The following AGMO variants were observed in gnomAD, a reference collection of about 807,000 sequenced individuals.
AGMO encodes glyceryl-ether monooxygenase.
In AGMO, 75 loss-of-function variants were observed where a neutral mutation model predicts 60.2. The observed-to-expected ratio is 1.25, with a 90% CI of 1.03 to 1.51. The LOEUF is 1.51. Ranked by LOEUF, AGMO falls within the 40% of genes most tolerant of loss-of-function variation. The pLI is 0.00. For synonymous variants in AGMO, 261 were observed against 177.1 expected, an observed-to-expected ratio of 1.47 and a Z score of -3.76; for missense variants, 763 against 525.5, an observed-to-expected ratio of 1.45 and a Z score of -4.42.
the AGMO span, among the ~76,000 whole-genome samples, chr7:15,183,565 C>T: frequency 6.6e-6 from 1 of 152,136 alleles, no homozygotes. Flanking sequence ...ATTCTAGAGT[C>T]AACACTTTTG....
At chr7:15,355,055 T>G (rs553439234) in intron 12 of AGMO, among the ~76,000 whole-genome samples, 1 of 152,250 alleles carries the variant, frequency 6.6e-6, no homozygotes, top group Non-Finnish European at 1.5e-5. Context: ...ACTAACATAG[T>G]ACCATGGACA....
the AGMO span, among the ~76,000 whole-genome samples, chr7:15,181,581 G>C: frequency 1.3e-5 from 2 of 151,820 alleles, no homozygotes; most frequent in Admixed American, 1.3e-4. Context: ...TAATGCAATA[G>C]GTTTTCAGAA....
At chr7:15,453,380 C>G (rs1318626321) in intron 3 of AGMO, among the ~76,000 whole-genome samples, 1 of 152,120 alleles carries the variant, frequency 6.6e-6, no homozygotes, top group Non-Finnish European at 1.5e-5. Context: ...GTAATGTGGA[C>G]CAATAGATGA....
intron 3 of AGMO, among the ~76,000 whole-genome samples, chr7:15,459,914 T>C (rs563182523): frequency 6.6e-6 from 1 of 152,180 alleles, no homozygotes; most frequent in South Asian, 2.1e-4. Flanking sequence ...TTCATTTGAC[T>C]GTATTGAGAT....
At chr7:15,286,125 T>A (rs79108482) in intron 12 of AGMO, among the ~76,000 whole-genome samples, 1 of 151,890 alleles carries the variant, frequency 6.6e-6, no homozygotes, top group African/African-American at 2.4e-5. Context: ...AAACATTGTA[T>A]AAAATAGCCT....
At chr7:15,543,268 A>G (rs756814689) in intron 3 of AGMO, among the ~76,000 whole-genome samples, 1 of 152,132 alleles carries the variant, frequency 6.6e-6, no homozygotes, top group Non-Finnish European at 1.5e-5. Flanking sequence ...CTCAGAGACC[A>G]CTTGCTCACC....
chr7:15,386,903 C>G (rs1296631207), intron 9 of AGMO, among the ~76,000 whole-genome samples: 1 of 152,080 alleles, frequency 6.6e-6, no homozygotes, highest in Admixed American at 6.6e-5. Flanking sequence ...AATGTGGTTT[C>G]TGCATTTAAT....
At chr7:15,350,575 G>C (rs77636053) in intron 12 of AGMO, among the ~76,000 whole-genome samples, 16,631 of 152,178 alleles carry the variant, frequency 0.11, 1,020 homozygotes, top group Admixed American at 0.19. Flanking sequence ...AGAGAGAGTA[G>C]ATTTCTGTTT....
At chr7:15,265,149 G>A (rs919176502) in intron 12 of AGMO, among the ~76,000 whole-genome samples, 4 of 152,090 alleles carry the variant, frequency 2.6e-5, no homozygotes, top group Non-Finnish European at 4.4e-5. Flanking sequence ...GGATGCAGTT[G>A]GAGGCCATTA....
chr7:15,396,507 A>C (rs1784390760), intron 5 of AGMO: 1 of 152,272 alleles, frequency 6.6e-6, no homozygotes, highest in African/African-American at 2.4e-5. Context: ...AACGAGCAGC[A>C]GCAATACATA....
rs553173802 is a variant in AGMO, at chr7:15,351,324, T to C, written c.1263+14190A>G. ...TTCTCCGCCATTATGTAAGTAGAAA[T>C]TGCAAGACTTGAAAGAGATATAACA... On this transcript the variant is annotated intron_variant, in intron 12 of 12. Transcript: ENST00000342526. 1.9e-4 allele frequency among the ~76,000 whole-genome samples: 29 copies of C among 152,226 alleles called. 2 individuals are homozygous for C. The South Asian group carries it at 6.0e-3, about 32-fold the overall frequency.
chr7:15,228,109 A>T (rs1782146239), intron 12 of AGMO, among the ~76,000 whole-genome samples: 1 of 151,732 alleles, frequency 6.6e-6, no homozygotes, highest in Non-Finnish European at 1.5e-5. Context: ...TTCTTTTAAC[A>T]CTCCTATTGT....
intron 12 of AGMO, among the ~76,000 whole-genome samples, chr7:15,351,981 C>T (rs1782258923): frequency 6.6e-6 from 1 of 152,140 alleles, no homozygotes; most frequent in Non-Finnish European, 1.5e-5. Flanking sequence ...ACATTAGAAT[C>T]TGCAAATAAA....
intron 12 of AGMO, among the ~76,000 whole-genome samples, chr7:15,310,639 A>G (rs1780743088): frequency 6.6e-6 from 1 of 152,036 alleles, no homozygotes; most frequent in African/African-American, 2.4e-5. Context: ...TTCTTTATAA[A>G]ATGAGGGAGT....
intron 3 of AGMO, among the ~76,000 whole-genome samples, chr7:15,464,505 C>A (rs1008661098): frequency 6.6e-6 from 1 of 152,126 alleles, no homozygotes; most frequent in Non-Finnish European, 1.5e-5. Flanking sequence ...TTACTTAATT[C>A]CTCTGGTAGT....
At chr7:15,508,342 G>A (rs1783577226) in intron 3 of AGMO, among the ~76,000 whole-genome samples, 1 of 152,086 alleles carries the variant, frequency 6.6e-6, no homozygotes, top group Non-Finnish European at 1.5e-5. Context: ...ACATTCAGCT[G>A]CGATGAATCA....
At chr7:15,230,914 G>T (rs1563045636) in intron 12 of AGMO, among the ~76,000 whole-genome samples, 1 of 152,242 alleles carries the variant, frequency 6.6e-6, no homozygotes, top group African/African-American at 2.4e-5. Context: ...TGGAACGAGG[G>T]AAGTCATCAC....
chr7:15,356,487 A>G (rs1348651734), intron 12 of AGMO, among the ~76,000 whole-genome samples: 1 of 152,100 alleles, frequency 6.6e-6, no homozygotes, highest in African/African-American at 2.4e-5. Context: ...TGTACTCACA[A>G]ATTTTAAAAA....
intron 3 of AGMO, among the ~76,000 whole-genome samples, chr7:15,433,634 A>G (rs1781319164): frequency 1.3e-5 from 2 of 152,094 alleles, no homozygotes; most frequent in South Asian, 4.1e-4. Context: ...TATCTGTTTT[A>G]AGAAATGAAA....
Sources: allele counts gnomAD v4.1 joint callset (sites outside exome capture counted in the v4.1 genomes callset), GRCh38; gene constraint gnomAD v4.1.1; transcripts MANE v1.5; gene names NCBI Gene and HGNC (gene_info 2026-07-23, HGNC 2026-07-21).